GALNT2: variants seen among roughly 807,000 people sequenced by gnomAD.
GALNT2 encodes polypeptide N-acetylgalactosaminyltransferase 2, also known as UDP-GalNAc:polypeptide N-acetylgalactosaminyltransferase 2.
GALNT2 carries 31 observed loss-of-function variants against 81.4 expected under a neutral mutation model. The observed-to-expected ratio is 0.38, with a 90% CI of 0.29 to 0.51. GALNT2 has a LOEUF of 0.51. Among genes scored for constraint, GALNT2 ranks in the 20% least tolerant of loss-of-function variants. GALNT2 has a pLI of 0.87. For missense variants in GALNT2, 629 were observed against 765.7 expected (o/e 0.82, Z 2.11); for synonymous variants, 303 against 287.4 (o/e 1.05, Z -0.55).
chr1:230,114,485 T>G (rs956110598), intron 1 of GALNT2, among the ~76,000 whole-genome samples: 9 of 152,200 alleles, frequency 5.9e-5, no homozygotes, highest in African/African-American at 2.2e-4. Context: ...AAGATATTTC[T>G]AAGTTGTAGT....
chr1:230,156,939 G>A (rs903240882), intron 1 of GALNT2, among the ~76,000 whole-genome samples: 1 of 152,240 alleles, frequency 6.6e-6, no homozygotes, highest in African/African-American at 2.4e-5. Flanking sequence ...AGCTGATCAA[G>A]TGCAGTAAGA....
chr1:230,265,682 ACTCAACC>A, intron 14 of GALNT2, among the ~76,000 whole-genome samples: 1 of 152,314 alleles, frequency 6.6e-6, no homozygotes, highest in African/African-American at 2.4e-5. Flanking sequence ...GGCCATGTGC[ACTCAACC>A]GCAAAGCACC....
intron 1 of GALNT2, among the ~76,000 whole-genome samples, chr1:230,161,525 C>A (rs954275485): frequency 1.3e-5 from 2 of 152,230 alleles, no homozygotes; most frequent in East Asian, 1.9e-4. Flanking sequence ...AAAATCCATT[C>A]TTTTCATGGC....
intron 2 of GALNT2, among the ~76,000 whole-genome samples, chr1:230,201,826 C>T (rs1572081129): frequency 6.6e-6 from 1 of 152,250 alleles, no homozygotes; most frequent in East Asian, 1.9e-4. Context: ...GAGTTGCATG[C>T]CCACACCCTG....
chr1:230,155,069 G>C (rs1662205089), intron 1 of GALNT2, among the ~76,000 whole-genome samples: 1 of 152,080 alleles, frequency 6.6e-6, no homozygotes, highest in African/African-American at 2.4e-5. Context: ...CAAACATCAG[G>C]GTCCTCCCAG....
chr1:230,275,674 A>T lies in GALNT2; in HGVS notation c.1560+1110A>T, dbSNP rs545496880. 2.8e-5 allele frequency among the ~76,000 whole-genome samples: 4 copies of T among 142,674 alleles called. No homozygotes were observed. In the South Asian group the frequency reaches 6.8e-4, roughly 24 times the overall value. The allele number at this position is 142,674 out of a possible 152,430, so 93.6% of individuals were successfully genotyped here. ...CAAGCACAACATATATACATGCCAC[A>T]TGTATACATATGTAAACACCACATA... On this transcript the variant is annotated intron_variant, in intron 15 of 15. Coordinates refer to ENST00000366672, the MANE Select transcript of GALNT2 (RefSeq NM_004481.5). This position sits in a 1 kb window ranked among gnomAD's most constrained non-coding sequence, Gnocchi z 5.5.
intron 1 of GALNT2, among the ~76,000 whole-genome samples, chr1:230,134,119 TTTTTTTTTTTGGCAGAGTCTCACTC>T (rs1461351794): frequency 1.5e-5 from 2 of 137,192 alleles, no homozygotes; most frequent in Admixed American, 1.7e-4. Context: ...TCTGTTTTTT[TTTTTTTTTTTGGCAGAGTCTCACTC>T]TGTCACCAGG....
In GALNT2 at chr1:230,067,261, C is replaced by A; in HGVS notation, c.-20C>A. On this transcript the variant is annotated 5_prime_UTR_variant, in exon 1 of 16. Coordinates refer to ENST00000366672, the MANE Select transcript of GALNT2 (RefSeq NM_004481.5). ...GCACTCGCGAGCAGCGGCGGCCCCG[C>A]CGGCGGCCGAGTTGGGAGAATGCGG... The A allele has an allele frequency of 7.8e-7, 1 of 1,289,560 alleles. No individual in the cohort carries two copies. 79.9% of individuals were successfully genotyped at this position (1,289,560 alleles called of 1,614,324 possible).
intron 8 of GALNT2, 133 bp from the exon 9 acceptor site, chr1:230,249,051 C>CT: frequency 1.2e-6 from 1 of 851,568 alleles, no homozygotes; most frequent in Non-Finnish European, 1.9e-6. Context: ...TCCACACCTT[C>CT]TTTTTTGGCT....
intron 1 of GALNT2, among the ~76,000 whole-genome samples, chr1:230,069,807 A>G (rs75467434): frequency 6.6e-6 from 1 of 150,752 alleles, no homozygotes; most frequent in East Asian, 1.9e-4. Context: ...TAGTTTTTTT[A>G]GAGATAAGTG....
intron 6 of GALNT2, among the ~76,000 whole-genome samples, chr1:230,241,039 G>A (rs1251810562): frequency 6.6e-6 from 1 of 152,040 alleles, no homozygotes; most frequent in Non-Finnish European, 1.5e-5. Flanking sequence ...TTAAGTTCTG[G>A]AATACCCATT....
intron 1 of GALNT2, among the ~76,000 whole-genome samples, chr1:230,111,710 A>G (rs1166067283): frequency 6.6e-6 from 1 of 152,176 alleles, no homozygotes; most frequent in Non-Finnish European, 1.5e-5. Context: ...CCTGAAACCA[A>G]AGCTTCTTAA....
In GALNT2 at chr1:230,074,071, T is replaced by A. The variant is rs549492954; in HGVS notation, c.126+6665T>A. 2.0e-5 allele frequency among the ~76,000 whole-genome samples: 3 copies of A among 149,128 alleles called. No homozygotes were observed. The East Asian group carries it at 6.0e-4, about 30-fold the overall frequency. ...GGTTGCTCTGGTTCAGTTTCTTAAC[T>A]CTGGCACCATTGACATTTTTGGCTG... is the stretch of plus-strand genomic sequence containing the variant. On this transcript the variant is annotated intron_variant, in intron 1 of 15. Coordinates refer to ENST00000366672, the MANE Select transcript of GALNT2 (RefSeq NM_004481.5).
upstream of GALNT2, among the ~76,000 whole-genome samples, chr1:230,066,518 A>G (rs1166024812): frequency 6.6e-6 from 1 of 152,238 alleles, no homozygotes; most frequent in Non-Finnish European, 1.5e-5. Flanking sequence ...CTACCAACTC[A>G]AAACCTCCAC....
chr1:230,129,431 C>T (rs984829737), intron 1 of GALNT2, among the ~76,000 whole-genome samples: 1 of 152,186 alleles, frequency 6.6e-6, no homozygotes, highest in Non-Finnish European at 1.5e-5. Context: ...GATCCTCCCT[C>T]CTCAGCCTCC....
Position 230,244,107 on chromosome 1 carries a change from AAGC to A in GALNT2, c.729+682_729+684del, listed in dbSNP as rs527783998. ...AGAAAGCACTTCCTTGGGGGCGATA[AAGC>A]AAACTTAATGAAAGGAAATAGAAAA... On this transcript the variant is annotated intron_variant, in intron 7 of 15. Coordinates refer to ENST00000366672, the MANE Select transcript of GALNT2 (RefSeq NM_004481.5). Among the ~76,000 whole-genome samples the A allele has an allele frequency of 9.9e-5, 15 of 151,944 alleles. No individual in the cohort carries two copies. In the South Asian group the frequency reaches 3.1e-3, roughly 32 times the overall value.
At chr1:230,204,025 G>A (rs1663985923) in intron 3 of GALNT2, among the ~76,000 whole-genome samples, 1 of 151,868 alleles carries the variant, frequency 6.6e-6, no homozygotes, top group Admixed American at 6.6e-5. Flanking sequence ...TTATTTTTTG[G>A]TAGAGGTGAA....
intron 1 of GALNT2, among the ~76,000 whole-genome samples, chr1:230,077,634 A>C (rs1659604208): frequency 6.6e-6 from 1 of 152,166 alleles, no homozygotes; most frequent in Admixed American, 6.5e-5. Context: ...GTGTTCTAAA[A>C]GTTTTTCAGA....
chr1:230,137,273 G>T (rs959484436), intron 1 of GALNT2, among the ~76,000 whole-genome samples: 1 of 152,224 alleles, frequency 6.6e-6, no homozygotes, highest in Non-Finnish European at 1.5e-5. Context: ...GGAGCTTCAC[G>T]TAGGCTGGGG....
Sources: gnomAD v4.1 joint callset for allele counts (sites outside exome capture counted in the v4.1 genomes callset) on GRCh38, gnomAD v4.1.1 for gene constraint, Gnocchi (gnomAD v3.1) non-coding constraint, MANE v1.5 for transcripts, NCBI Gene and HGNC (gene_info 2026-07-23, HGNC 2026-07-21) for gene names.